The following STRA6 variants were observed in gnomAD, a reference collection of about 807,000 sequenced individuals.
STRA6 encodes the protein receptor for retinol uptake STRA6.
STRA6 carries 48 observed loss-of-function variants against 83.6 expected under a neutral mutation model. The observed-to-expected ratio is 0.57, with a 90% CI of 0.46 to 0.73. The LOEUF (loss-of-function observed/expected upper bound fraction) is 0.73. Ranked by LOEUF, STRA6 falls within the 30% of genes least tolerant of loss-of-function variation. The pLI, the probability that STRA6 is intolerant of heterozygous loss-of-function variation, is 0.00. For missense variants in STRA6, 760 were observed against 838.8 expected, an observed-to-expected ratio of 0.91 and a Z score of 1.16; for synonymous variants, 353 against 362.3, an observed-to-expected ratio of 0.97 and a Z score of 0.29.
At chr15:74,184,488 C>T (rs1400820909) in intron 13 of STRA6, among the ~76,000 whole-genome samples, 1 of 152,186 alleles carries the variant, frequency 6.6e-6, no homozygotes, top group African/African-American at 2.4e-5. Context: ...CCTCACCACT[C>T]ACCGCTGCAG....
At chr15:74,201,610 C>T (rs1259152494) in intron 2 of STRA6, among the ~76,000 whole-genome samples, 2 of 152,294 alleles carry the variant, frequency 1.3e-5, no homozygotes, top group African/African-American at 2.4e-5. Context: ...AGGGAATAGG[C>T]TCTCCTCATC....
chr15:74,185,028 G>A lies in STRA6; in HGVS notation c.1118C>T (p.Ser373Phe), dbSNP rs2073174244. 1.9e-6 allele frequency: 3 copies of A among 1,613,946 alleles called. No individual in the cohort carries two copies. The highest frequency in any genetic ancestry group is 1.6e-4 in the Middle Eastern group (1 of 6,084). The stretch of plus-strand genomic sequence containing the variant: ...CAGGACCAGGAAGGTGAGTAAGCAG[G>A]ACAAGACCAAGGCTGAGATGTAGCA... ...EVCYISALVLSCLLTFLVLMR... is the reference protein window; with the variant it reads ...EVCYISALVLFCLLTFLVLMR... The change falls in exon 13 of 19, where the codon TCC (serine) becomes TTC (phenylalanine). Residue 373 changes from serine to phenylalanine, a missense_variant. Coordinates refer to ENST00000395105, the MANE Select transcript of STRA6 (RefSeq NM_022369.4).
chr15:74,198,271 A>AT (rs199524892), intron 2 of STRA6, among the ~76,000 whole-genome samples: 3,472 of 149,960 alleles, frequency 0.023, 147 homozygotes, highest in African/African-American at 0.079. Context: ...CATGCCTGGC[A>AT]TTTTTTTTTC....
At chr15:74,185,454 G>T (rs183475072) in intron 12 of STRA6, among the ~76,000 whole-genome samples, 2 of 152,206 alleles carry the variant, frequency 1.3e-5, no homozygotes, top group African/African-American at 2.4e-5. Flanking sequence ...ACCGCACGCC[G>T]TTATGCTGCC....
intron 12 of STRA6, among the ~76,000 whole-genome samples, chr15:74,186,480 C>A (rs1177029567): frequency 6.6e-6 from 1 of 152,078 alleles, no homozygotes; most frequent in East Asian, 1.9e-4. Context: ...TGGTGGCGGG[C>A]CCCTGTAATC....
In STRA6 at chr15:74,193,664, C is replaced by T. The variant is rs1315123280; in HGVS notation, c.720+136G>A. ...AGGGAGGGAGGACTAAGCAGTCACT[C>T]AGCAAACATTTTCTGAGCATCTATT... On this transcript the variant is annotated intron_variant, in intron 8 of 18. Transcript: ENST00000395105. The T allele has an allele frequency of 2.7e-6, 4 of 1,474,026 alleles. No individual in the cohort carries two copies. In the East Asian group the frequency reaches 9.4e-5, roughly 35 times the overall value. 91.3% of individuals were successfully genotyped at this position (1,474,026 alleles called of 1,614,324 possible).
chr15:74,209,383 C>G (rs1346399164), upstream of STRA6: 2 of 1,535,628 alleles, frequency 1.3e-6, no homozygotes, highest in South Asian at 2.4e-5. Context: ...ATCCATCACT[C>G]CCAGGGGGCC....
At position 74,179,958 on chromosome 15, in the gene STRA6, T is replaced by C; in HGVS notation, c.*122A>G. On this transcript the variant is annotated 3_prime_UTR_variant, in exon 19 of 19. Coordinates refer to ENST00000395105, the MANE Select transcript of STRA6 (RefSeq NM_022369.4). ...ACAGACCTCCACCCAACCACAGTGA[T>C]CCGGAGGACCTGCTGGCTGCATGGC... 1.5e-6 allele frequency: 2 copies of C among 1,347,804 alleles called. No homozygotes were observed. Among genetic ancestry groups the C allele is most frequent in the Admixed American group, 1.8e-5 (1 of 56,072 alleles). 83.5% of individuals were successfully genotyped at this position (1,347,804 alleles called of 1,614,324 possible).
At position 74,188,477 on chromosome 15, in the gene STRA6, G is replaced by A. The variant is rs1224844730; in HGVS notation, c.1090+638C>T. 1.3e-5 allele frequency among the ~76,000 whole-genome samples: 2 copies of A among 152,268 alleles called. No homozygotes were observed. The highest frequency in any genetic ancestry group is 4.8e-5 in the African/African-American group (2 of 41,480). On this transcript the variant is annotated intron_variant, in intron 12 of 18. Coordinates refer to ENST00000395105, the MANE Select transcript of STRA6 (RefSeq NM_022369.4). This position sits in a 1 kb window ranked among gnomAD's most constrained non-coding sequence, Gnocchi z 4.5. Reference sequence around the variant, plus strand: ...CGTTCTCTTGGCTGCACTCTGCCCTGCTGGATGGCCTCAGGCAAATCCTTC... The same window carrying A: ...CGTTCTCTTGGCTGCACTCTGCCCTACTGGATGGCCTCAGGCAAATCCTTC...
chr15:74,198,305 C>G (rs1362162234), intron 2 of STRA6, among the ~76,000 whole-genome samples: 1 of 151,980 alleles, frequency 6.6e-6, no homozygotes, highest in Non-Finnish European at 1.5e-5. Flanking sequence ...GAGACAGGGC[C>G]TCACCATGTC....
At chr15:74,206,056 G>A (rs1005721691), upstream of STRA6, among the ~76,000 whole-genome samples, 2 of 152,210 alleles carry the variant, frequency 1.3e-5, no homozygotes, top group Non-Finnish European at 2.9e-5. Flanking sequence ...TCCTCTCTGT[G>A]GGTCTCACTG....
upstream of STRA6, chr15:74,209,645 T>C: frequency 1.7e-6 from 1 of 577,744 alleles, no homozygotes. Context: ...TCACCCCAAG[T>C]ACATGCCTGC....
At chr15:74,200,444 T>C (rs575872132) in intron 2 of STRA6, among the ~76,000 whole-genome samples, 15 of 152,268 alleles carry the variant, frequency 9.9e-5, no homozygotes, top group African/African-American at 3.4e-4. Context: ...TTTGAGCCAT[T>C]GAATGTTCTG....
chr15:74,198,648 T>C (rs1482111790), intron 2 of STRA6, among the ~76,000 whole-genome samples: 1 of 152,146 alleles, frequency 6.6e-6, no homozygotes, highest in Admixed American at 6.5e-5. Flanking sequence ...TGCTTCCCTC[T>C]CATTGAGAGC....
At position 74,181,030 on chromosome 15, in the gene STRA6, T is replaced by G. The variant is rs140269059; in HGVS notation, c.1685-93A>C. 1.4e-3 allele frequency: 2,203 copies of G among 1,533,542 alleles called. 24 individuals are homozygous for G. The African/African-American group carries it at 0.021, about 15-fold the overall frequency. The allele number at this position is 1,533,542 out of a possible 1,614,324, so 95.0% of individuals were successfully genotyped here. Reference sequence around the variant, plus strand: ...CTAACACACACACAGGGAGTGCACGTGCACTCCCTGCATCCAAGCATGTCG... The same window carrying G: ...CTAACACACACACAGGGAGTGCACGGGCACTCCCTGCATCCAAGCATGTCG... On this transcript the variant is annotated intron_variant, in intron 17 of 18. Coordinates refer to ENST00000395105, the MANE Select transcript of STRA6 (RefSeq NM_022369.4).
At chr15:74,197,473 G>T in intron 3 of STRA6, 50 bp from the exon 4 acceptor site, 1 of 1,470,832 alleles carries the variant, frequency 6.8e-7, no homozygotes. Flanking sequence ...CCTCCCCTGA[G>T]GGTCTGAGTT....
intron 7 of STRA6, 97 bp downstream of exon 7, chr15:74,195,205 C>T (rs894698238): frequency 1.4e-5 from 22 of 1,548,320 alleles, no homozygotes; most frequent in Admixed American, 9.6e-5. Flanking sequence ...GGCTGCAGGG[C>T]GGCCCATCAT....
Position 74,189,213 on chromosome 15 carries a change from G to A in STRA6, c.992C>T (p.Thr331Met), listed in dbSNP as rs370008910. ...TIQKVRAGVT[T>M]DVSYLLAGFG... ...GCCGGCCAGCAGGTAGGAGACATCC[G>A]TGGTGACCCCTGCCCTCACCTTCTG... The change falls in exon 12 of 19, where the codon ACG (threonine) becomes ATG (methionine). Residue 331 changes from threonine to methionine, a missense_variant. Physicochemically the swap from Thr to Met is moderately conservative, Grantham distance 81 (BLOSUM62 -1). Transcript: ENST00000395105. 2.3e-5 allele frequency: 37 copies of A among 1,612,546 alleles called. No homozygotes were observed. Among genetic ancestry groups the A allele is most frequent in the Middle Eastern group, 1.6e-4 (1 of 6,084 alleles).
Position 74,189,293 on chromosome 15 carries a change from A to C in STRA6, c.928-16T>G, listed in dbSNP as rs769315773. The stretch of plus-strand genomic sequence containing the variant: ...GCAGGGCCACCTGGAAGAGCCCCAC[A>C]GTGAGGGCCCCATCCCAGGAAAGGG... On this transcript the variant is annotated splice_polypyrimidine_tract_variant and intron_variant, in intron 11 of 18. Transcript: ENST00000395105. 6.3e-7 allele frequency: 1 copy of C among 1,581,694 alleles called. No individual in the cohort carries two copies. The highest frequency in any genetic ancestry group is 1.3e-5 in the African/African-American group (1 of 74,482).
Sources: gnomAD v4.1 joint callset for allele counts (sites outside exome capture counted in the v4.1 genomes callset) on GRCh38, gnomAD v4.1.1 for gene constraint, Gnocchi (gnomAD v3.1) non-coding constraint, MANE v1.5 for transcripts, NCBI Gene and HGNC (gene_info 2026-07-23, HGNC 2026-07-21) for gene names.